Variants in LY96 observed in about 807,000 individuals in gnomAD.
LY96 encodes lymphocyte antigen 96.
A neutral mutation model predicts 18.9 loss-of-function variants in LY96; 18 were observed. That is an observed-to-expected ratio of 0.95 (90% CI 0.66 to 1.41). LY96 has a LOEUF of 1.41. Among genes scored for constraint, LY96 ranks in the 40% most tolerant of loss-of-function variants. The pLI, the probability that LY96 is intolerant of heterozygous loss-of-function variation, is 0.00. For synonymous variants in LY96, 66 were observed against 62.6 expected, an observed-to-expected ratio of 1.06 and a Z score of -0.26; for missense variants, 175 against 182.4, an observed-to-expected ratio of 0.96 and a Z score of 0.23.
chr8:74,081,126 C>CTTTCTTTCTTTCTTTCT, the LY96 span, among the ~76,000 whole-genome samples: 3 of 23,148 alleles, frequency 1.3e-4, no homozygotes, highest in South Asian at 1.3e-3. Context: ...TCTTTCTTTC[C>CTTTCTTTCTTTCTTTCT]TTCCTTCCTT....
At chr8:73,996,535 G>A (rs186646842) in intron 1 of LY96, among the ~76,000 whole-genome samples, 17 of 151,210 alleles carry the variant, frequency 1.1e-4, no homozygotes, top group African/African-American at 4.1e-4. Flanking sequence ...TTCGTGCCTC[G>A]GCCTCCCAAG....
intron 2 of LY96, among the ~76,000 whole-genome samples, chr8:74,009,351 C>T (rs186800931): frequency 4.0e-4 from 51 of 126,832 alleles, no homozygotes; most frequent in Middle Eastern, 5.7e-3. Flanking sequence ...GCCAAGATTA[C>T]GCCACTGCAC....
the LY96 span, among the ~76,000 whole-genome samples, chr8:74,094,786 A>G: frequency 6.6e-6 from 1 of 152,228 alleles, no homozygotes; most frequent in Non-Finnish European, 1.5e-5. Flanking sequence ...GTTAGAAGTT[A>G]CTGTTCAGGA....
chr8:74,055,841 C>T, the LY96 span: 9 of 152,220 alleles, frequency 5.9e-5, no homozygotes, highest in Non-Finnish European at 1.3e-4. Flanking sequence ...GCCATGTGGC[C>T]ATCTGCAAGG....
chr8:74,036,987 G>A, the LY96 span, among the ~76,000 whole-genome samples: 7 of 152,128 alleles, frequency 4.6e-5, no homozygotes, highest in Non-Finnish European at 1.0e-4. Flanking sequence ...AAGATTCTTT[G>A]ATCTTCTTAT....
chr8:74,033,503 C>T (rs1432224688), downstream of LY96, among the ~76,000 whole-genome samples: 1 of 152,208 alleles, frequency 6.6e-6, no homozygotes, highest in East Asian at 1.9e-4. Flanking sequence ...GTCTTGCTCC[C>T]TGACGAATGC....
chr8:74,011,969 A>G (rs1816542384), intron 3 of LY96, among the ~76,000 whole-genome samples: 1 of 152,242 alleles, frequency 6.6e-6, no homozygotes, highest in East Asian at 1.9e-4. Context: ...ATCAGAGAAA[A>G]GCAAATTAAA....
intron 3 of LY96, among the ~76,000 whole-genome samples, chr8:74,011,432 C>T (rs56867922): frequency 0.18 from 26,761 of 152,086 alleles, 2,665 homozygotes; most frequent in African/African-American, 0.28. Flanking sequence ...AAATAATCAA[C>T]GGAGTGAACA....
chr8:74,026,932 TTTTC>T lies in LY96; in HGVS notation c.384+99_384+102del, dbSNP rs888153679. Reference sequence around the variant, plus strand: ...AACAAGCAATTCACAACTTCTTCCTTTTTCTTTCTTTTTTTTTTTTAAATGGGAT... The same window carrying T: ...AACAAGCAATTCACAACTTCTTCCTTTTTCTTTTTTTTTTTTAAATGGGAT... On this transcript the variant is annotated intron_variant, in intron 4 of 4. Coordinates refer to ENST00000284818, the MANE Select transcript of LY96 (RefSeq NM_015364.5). The T allele has an allele frequency of 3.7e-5, 26 of 701,842 alleles. No individual in the cohort carries two copies. The East Asian group carries it at 4.6e-4, about 12-fold the overall frequency. The allele number at this position is 701,842 out of a possible 1,614,324, so 43.5% of individuals were successfully genotyped here. A position where few individuals can be genotyped will look rare whatever the true frequency, so the allele number is the denominator to read the frequency against.
chr8:74,055,285 C>A, the LY96 span, among the ~76,000 whole-genome samples: 1 of 151,846 alleles, frequency 6.6e-6, no homozygotes, highest in Non-Finnish European at 1.5e-5. Flanking sequence ...GATGGAAAAG[C>A]CTGTATGCTA....
At chr8:74,027,314 T>TC (rs1435622884) in intron 4 of LY96, among the ~76,000 whole-genome samples, 2 of 149,868 alleles carry the variant, frequency 1.3e-5, no homozygotes, top group African/African-American at 4.9e-5. Flanking sequence ...GAATTAGCTT[T>TC]TTTTTTTTTT....
At chr8:74,096,844 A>G in the LY96 span, among the ~76,000 whole-genome samples, 1 of 152,138 alleles carries the variant, frequency 6.6e-6, no homozygotes, top group African/African-American at 2.4e-5. Flanking sequence ...CTTCTCTCTC[A>G]AGCCTTTGAT....
At chr8:74,059,201 A>G in the LY96 span, among the ~76,000 whole-genome samples, 2 of 152,264 alleles carry the variant, frequency 1.3e-5, no homozygotes, top group Non-Finnish European at 2.9e-5. Context: ...AAATTGGTAC[A>G]TAAAATTAAC....
At position 74,017,760 on chromosome 8, in the gene LY96, G is replaced by C. The variant is rs547416385; in HGVS notation, c.331+7631G>C. ...GTGGCCAATATTCAACATTCTTAAAGACAAGAATTTTCAACCCAGAATTTC... is the reference window on the plus strand; with the variant it reads ...GTGGCCAATATTCAACATTCTTAAACACAAGAATTTTCAACCCAGAATTTC... On this transcript the variant is annotated intron_variant, in intron 3 of 4. Coordinates refer to ENST00000284818, the MANE Select transcript of LY96 (RefSeq NM_015364.5). Among the ~76,000 whole-genome samples the C allele has an allele frequency of 9.7e-4, 148 of 152,318 alleles. 1 individual carries two copies. Among genetic ancestry groups the C allele is most frequent in the African/African-American group, 3.4e-3 (143 of 41,568 alleles).
intron 1 of LY96, among the ~76,000 whole-genome samples, chr8:73,993,939 A>G (rs1457444561): frequency 1.3e-5 from 2 of 151,576 alleles, no homozygotes; most frequent in Non-Finnish European, 2.9e-5. Flanking sequence ...GTATATGCAC[A>G]TTGCTGTGAA....
At chr8:74,054,484 A>ATTTTC in the LY96 span, among the ~76,000 whole-genome samples, 9 of 150,036 alleles carry the variant, frequency 6.0e-5, no homozygotes, top group East Asian at 5.9e-4. Flanking sequence ...GAGGTTCCTC[A>ATTTTC]TTTTCTTTTC....
chr8:74,009,400 G>GGAA (rs1816484297), intron 2 of LY96, among the ~76,000 whole-genome samples: 1 of 111,184 alleles, frequency 9.0e-6, no homozygotes, highest in African/African-American at 3.5e-5. Context: ...AAAAAAAAAA[G>GGAA]AAGAAAAGAA....
chr8:74,080,985 T>TC, the LY96 span, among the ~76,000 whole-genome samples: 3 of 24,590 alleles, frequency 1.2e-4, no homozygotes, highest in African/African-American at 3.1e-4. Flanking sequence ...TCTTTCTCTC[T>TC]CTTTCTTTCT....
chr8:74,053,504 G>T, the LY96 span, among the ~76,000 whole-genome samples: 1 of 152,132 alleles, frequency 6.6e-6, no homozygotes, highest in Non-Finnish European at 1.5e-5. Context: ...TGCAACTTCA[G>T]CCTCATTCCT....
Sources: gnomAD v4.1 joint callset for allele counts (sites outside exome capture counted in the v4.1 genomes callset) on GRCh38, gnomAD v4.1.1 for gene constraint, MANE v1.5 for transcripts, NCBI Gene and HGNC (gene_info 2026-07-23, HGNC 2026-07-21) for gene names.